Variants in PANK2 observed in about 807,000 individuals in gnomAD.
The protein encoded by PANK2 is pantothenate kinase 2, also known as pantothenate kinase 2, mitochondrial.
In PANK2, 36 loss-of-function variants were observed where a neutral mutation model predicts 43.1. That is an observed-to-expected ratio of 0.84 (90% confidence interval 0.64 to 1.10). The LOEUF (loss-of-function observed/expected upper bound fraction) is 1.10. PANK2 is among the 50% of genes least tolerant of loss of function. The probability of loss-of-function intolerance (pLI) is 0.00; values close to 1 mark genes in which losing one functional copy is unlikely to be tolerated. For missense variants in PANK2, 576 were observed against 593.3 expected (o/e 0.97, Z 0.30); for synonymous variants, 281 against 238.2 (o/e 1.18, Z -1.66).
chr20:3,918,654 T>G lies in PANK2; in HGVS notation c.1207-17T>G, dbSNP rs1483932495. 1 of 1,614,166 alleles carries G rather than the reference T, an allele frequency of 6.2e-7. No individual in the cohort carries two copies. The highest frequency in any genetic ancestry group is 8.5e-7 in the Non-Finnish European group (1 of 1,179,996). On this transcript the variant is annotated splice_polypyrimidine_tract_variant and intron_variant, in intron 5 of 6. Transcript: ENST00000610179. ...AAATTAAGATGAAAACTAATTGCCTTTTTTTGGTGTGCTCAGAACATTAAC... is the reference window on the plus strand; with the variant it reads ...AAATTAAGATGAAAACTAATTGCCTGTTTTTGGTGTGCTCAGAACATTAAC...
chr20:3,929,038 G>T lies in PANK2; in HGVS notation c.*5744G>T, dbSNP rs1049550881. The T allele has an allele frequency of 6.6e-6, 1 of 151,974 alleles. No individual in the cohort carries two copies. The allele number at this position is 151,974 out of a possible 1,614,324, so 9.4% of individuals were successfully genotyped here. A position where few individuals can be genotyped will look rare whatever the true frequency, so the allele number is the denominator to read the frequency against. On this transcript the variant is annotated 3_prime_UTR_variant, in exon 7 of 7. Coordinates refer to ENST00000610179, the MANE Select transcript of PANK2 (RefSeq NM_001386393.1). ...AAATTTTTGTATTTTTAGTAGAGGG[G>T]GTTTCACCATATTGGTCAGGCTGGT...
At position 3,929,606 on chromosome 20, in the gene PANK2, C is replaced by G. The variant is rs1017862353; in HGVS notation, c.*6312C>G. ...CCACAACAGTTGCAGCCACACATCA[C>G]CACTGGTCCTCACTTGGAACTGGCC... On this transcript the variant is annotated 3_prime_UTR_variant, in exon 7 of 7. Coordinates refer to ENST00000610179, the MANE Select transcript of PANK2 (RefSeq NM_001386393.1). The G allele has an allele frequency of 6.6e-6, 1 of 152,484 alleles. No homozygotes were observed. The highest frequency in any genetic ancestry group is 1.5e-5 in the Non-Finnish European group (1 of 68,224). The allele number at this position is 152,484 out of a possible 1,614,324, so 9.4% of individuals were successfully genotyped here.
intron 1 of PANK2, among the ~76,000 whole-genome samples, chr20:3,895,070 C>G (rs978870192): frequency 6.6e-6 from 1 of 151,910 alleles, no homozygotes; most frequent in South Asian, 2.1e-4. Flanking sequence ...CTTGAGACCA[C>G]GAGTTCAAGA....
intron 1 of PANK2, among the ~76,000 whole-genome samples, 180 bp from the exon 2 acceptor site, chr20:3,907,745 AT>A (rs969635435): frequency 1.2e-4 from 18 of 149,410 alleles, no homozygotes; most frequent in African/African-American, 2.2e-4. Flanking sequence ...TTGCCGTAGT[AT>A]TTTTTTTTTA....
chr20:3,910,170 C>CT (rs2090445750), intron 2 of PANK2, among the ~76,000 whole-genome samples: 1 of 152,280 alleles, frequency 6.6e-6, no homozygotes, highest in East Asian at 1.9e-4. Context: ...TGTCACAGTC[C>CT]TTGTGGCTCC....
chr20:3,905,979 G>C (rs1249498194), intron 1 of PANK2, among the ~76,000 whole-genome samples: 1 of 151,758 alleles, frequency 6.6e-6, no homozygotes, highest in Admixed American at 6.6e-5. Flanking sequence ...TCCTCCCAAA[G>C]TGCTGGGATT....
At chr20:3,912,220 G>C (rs537678103) in intron 3 of PANK2, among the ~76,000 whole-genome samples, 4 of 152,248 alleles carry the variant, frequency 2.6e-5, no homozygotes, top group African/African-American at 9.6e-5. Flanking sequence ...TTGGCAGACA[G>C]CCAGACTGCA....
intron 6 of PANK2, chr20:3,921,449 A>G (rs2090645798): frequency 1.3e-5 from 2 of 152,032 alleles, no homozygotes; most frequent in Admixed American, 6.6e-5. Context: ...TTCTGTCTTG[A>G]TAGTAGCATC....
intron 4 of PANK2, among the ~76,000 whole-genome samples, chr20:3,913,913 C>T (rs1412327016): frequency 1.3e-5 from 2 of 151,560 alleles, no homozygotes; most frequent in African/African-American, 2.4e-5. Flanking sequence ...TTCAGCCTTC[C>T]AAGTAGCTGG....
rs1037771921 is a variant in PANK2, at chr20:3,928,912, G to T, written c.*5618G>T. ...GTTGCCCAGGCTGGAGTGCAGTGGG[G>T]ATCTTGGCTCACTGCAACTTCTGTC... On this transcript the variant is annotated 3_prime_UTR_variant, in exon 7 of 7. Transcript: ENST00000610179. The T allele has an allele frequency of 6.6e-6, 1 of 151,738 alleles. No homozygotes were observed. Among genetic ancestry groups the T allele is most frequent in the African/African-American group, 2.4e-5 (1 of 41,352 alleles). The allele number at this position is 151,738 out of a possible 1,614,324, so 9.4% of individuals were successfully genotyped here.
intron 1 of PANK2, among the ~76,000 whole-genome samples, chr20:3,899,176 G>GTT (rs551925178): frequency 4.7e-4 from 64 of 137,584 alleles, no homozygotes; most frequent in African/African-American, 1.6e-3. Context: ...GCCCAGCCGG[G>GTT]TTTTTTTTTT....
chr20:3,897,384 A>G (rs1374320391), intron 1 of PANK2, among the ~76,000 whole-genome samples: 1 of 152,196 alleles, frequency 6.6e-6, no homozygotes. Flanking sequence ...CTCACTAACT[A>G]GAAGGCAGGG....
chr20:3,923,575 G>A lies in PANK2; in HGVS notation c.*281G>A. On this transcript the variant is annotated 3_prime_UTR_variant, in exon 7 of 7. Transcript: ENST00000610179. ...CCTGCTTTGTATTTTTGAAATCTCT[G>A]CATCACTCATTGGAAGTGCTTCTGA... The A allele has an allele frequency of 2.0e-6, 1 of 503,012 alleles. No homozygotes were observed. Among genetic ancestry groups the A allele is most frequent in the Non-Finnish European group, 3.6e-6 (1 of 278,048 alleles). The allele number at this position is 503,012 out of a possible 1,614,324, so 31.2% of individuals were successfully genotyped here.
In PANK2 at chr20:3,916,411, T is replaced by G. The variant is rs138822038; in HGVS notation, c.1083-516T>G. Among the ~76,000 whole-genome samples the G allele has an allele frequency of 1.3e-3, 203 of 152,364 alleles. 4 individuals are homozygous for G. The highest frequency in any genetic ancestry group is 0.011 in the South Asian group (55 of 4,830). ...ACTTCCTTTTCTGATTGGAAAATTA[T>G]TGTAGCAGTTCTGCTGAGCATGTAC... On this transcript the variant is annotated intron_variant, in intron 4 of 6. Transcript: ENST00000610179.
chr20:3,919,536 AT>A (rs1407464437), intron 6 of PANK2, among the ~76,000 whole-genome samples: 2 of 152,248 alleles, frequency 1.3e-5, no homozygotes, highest in African/African-American at 4.8e-5. Context: ...GACTAGAACC[AT>A]ACTATCATAA....
intron 4 of PANK2, among the ~76,000 whole-genome samples, chr20:3,916,104 T>G (rs1277765485): frequency 6.6e-6 from 1 of 152,206 alleles, no homozygotes; most frequent in Non-Finnish European, 1.5e-5. Context: ...TCCCATTGAT[T>G]TAGATCTTTG....
At chr20:3,901,671 T>C in intron 1 of PANK2, 1 of 882,406 alleles carries the variant, frequency 1.1e-6, no homozygotes, top group Non-Finnish European at 1.4e-6. Context: ...TACTTTTGTT[T>C]ATTTCTTAAA....
upstream of PANK2, chr20:3,889,083 G>C (rs2090062173): frequency 7.9e-6 from 12 of 1,524,910 alleles, no homozygotes; most frequent in East Asian, 2.9e-4. Flanking sequence ...ACAAGTGGGG[G>C]GCGGAAGGAG....
At chr20:3,917,179 G>T in intron 5 of PANK2, 129 bp downstream of exon 5, 2 of 1,109,362 alleles carry the variant, frequency 1.8e-6, no homozygotes, top group Non-Finnish European at 2.7e-6. Context: ...TTAGCACGAA[G>T]TTAAAACTCT....
Sources: gnomAD v4.1 joint callset for allele counts (sites outside exome capture counted in the v4.1 genomes callset) on GRCh38, gnomAD v4.1.1 for gene constraint, MANE v1.5 for transcripts, NCBI Gene and HGNC (gene_info 2026-07-23, HGNC 2026-07-21) for gene names.